The following PTK2 variants were observed in gnomAD, a reference collection of about 807,000 sequenced individuals.
PTK2 encodes the protein protein tyrosine kinase 2.
Under a neutral mutation model 150.1 loss-of-function variants are expected in PTK2, and 45 were observed. The ratio of observed to expected loss-of-function variants is 0.30; its 90% CI spans 0.24 to 0.38. PTK2 has a LOEUF of 0.38. Ranked by LOEUF, PTK2 falls within the 10% of genes least tolerant of loss-of-function variation. The probability of loss-of-function intolerance (pLI) is 1.00; values close to 1 mark genes in which losing one functional copy is unlikely to be tolerated. For synonymous variants in PTK2, 432 were observed against 449.2 expected (o/e 0.96, Z 0.48); for missense variants, 919 against 1,307.3 (o/e 0.70, Z 4.58).
At chr8:140,937,576 A>G (rs1322093658) in intron 1 of PTK2, among the ~76,000 whole-genome samples, 2 of 136,782 alleles carry the variant, frequency 1.5e-5, no homozygotes, top group Non-Finnish European at 3.2e-5. Flanking sequence ...GCCATCTTTA[A>G]GTAAACAATA....
At chr8:140,801,895 G>A (rs1596184276) in intron 11 of PTK2, among the ~76,000 whole-genome samples, 3 of 152,102 alleles carry the variant, frequency 2.0e-5, no homozygotes, top group South Asian at 2.1e-4. Context: ...TAGGTATGCC[G>A]TAGCCATCCT....
chr8:140,999,977 C>A (rs1408316450), intron 1 of PTK2, among the ~76,000 whole-genome samples: 1 of 149,204 alleles, frequency 6.7e-6, no homozygotes, highest in African/African-American at 2.5e-5. Context: ...CAGCTGCAGG[C>A]TAACTATGCA....
intron 4 of PTK2, among the ~76,000 whole-genome samples, chr8:140,869,642 AAAG>A (rs1029702541): frequency 6.6e-6 from 1 of 152,158 alleles, no homozygotes; most frequent in African/African-American, 2.4e-5. Context: ...CTCCGGAAGC[AAAG>A]AATAGAGAAT....
chr8:140,662,326 A>G (rs28420895), intron 31 of PTK2, among the ~76,000 whole-genome samples: 2,919 of 152,152 alleles, frequency 0.019, 98 homozygotes, highest in African/African-American at 0.067. Flanking sequence ...ATTAAAAAAT[A>G]CTGTATACAG....
chr8:140,944,046 TTGC>T (rs2100176796), intron 1 of PTK2, among the ~76,000 whole-genome samples: 2 of 152,218 alleles, frequency 1.3e-5, no homozygotes, highest in African/African-American at 4.8e-5. Flanking sequence ...AACTGCCTAC[TTGC>T]CACCCCAACT....
intron 7 of PTK2, among the ~76,000 whole-genome samples, chr8:140,833,466 A>T (rs1265648590): frequency 6.6e-6 from 1 of 152,252 alleles, no homozygotes; most frequent in Non-Finnish European, 1.5e-5. Context: ...TTTTAGGGAA[A>T]GCCTATTATA....
intron 13 of PTK2, among the ~76,000 whole-genome samples, chr8:140,790,010 T>C (rs373120848): frequency 6.6e-6 from 1 of 152,268 alleles, no homozygotes; most frequent in East Asian, 1.9e-4. Context: ...ATTACCTACA[T>C]ACTTAAAAAA....
intron 5 of PTK2, among the ~76,000 whole-genome samples, chr8:140,851,161 G>C (rs2100129058): frequency 6.6e-6 from 1 of 152,162 alleles, no homozygotes; most frequent in South Asian, 2.1e-4. Context: ...CAGATACTGT[G>C]AAGTATTTTG....
chr8:140,912,698 T>C (rs1437917807), intron 2 of PTK2, among the ~76,000 whole-genome samples: 4 of 152,086 alleles, frequency 2.6e-5, no homozygotes, highest in African/African-American at 7.2e-5. Context: ...CAGTGGCTCA[T>C]GCCTGTAACC....
chr8:140,674,785 G>A (rs2100012603), intron 28 of PTK2, among the ~76,000 whole-genome samples: 1 of 151,552 alleles, frequency 6.6e-6, no homozygotes, highest in African/African-American at 2.4e-5. Context: ...AGTGGCTCAC[G>A]CCTGTAATCC....
At chr8:140,941,346 G>C (rs2100175673) in intron 1 of PTK2, among the ~76,000 whole-genome samples, 1 of 152,174 alleles carries the variant, frequency 6.6e-6, no homozygotes, top group Non-Finnish European at 1.5e-5. Context: ...CACACAAATA[G>C]TTCTCTGCAG....
At chr8:140,759,406 C>G (rs1296242115) in intron 16 of PTK2, among the ~76,000 whole-genome samples, 1 of 151,668 alleles carries the variant, frequency 6.6e-6, no homozygotes, top group Non-Finnish European at 1.5e-5. Flanking sequence ...TGATGGCACA[C>G]ACTTGTAGTC....
chr8:140,751,808 A>T (rs1695025808), intron 17 of PTK2: 3 of 424,418 alleles, frequency 7.1e-6, no homozygotes, highest in African/African-American at 6.1e-5. Context: ...ATTTGTTCTG[A>T]TTTTGTAGCA....
chr8:140,878,558 T>C (rs1430740402), intron 4 of PTK2, among the ~76,000 whole-genome samples: 1 of 151,854 alleles, frequency 6.6e-6, no homozygotes. Flanking sequence ...CATGCCACCG[T>C]ACTGCAGCCT....
chr8:140,936,905 A>C (rs1344760655), intron 1 of PTK2, among the ~76,000 whole-genome samples: 1 of 152,170 alleles, frequency 6.6e-6, no homozygotes, highest in East Asian at 1.9e-4. Flanking sequence ...TTTAGAGAAA[A>C]ATACTGCTTT....
chr8:140,956,427 G>A (rs1405423417), intron 1 of PTK2, among the ~76,000 whole-genome samples: 3 of 152,218 alleles, frequency 2.0e-5, no homozygotes, highest in Non-Finnish European at 4.4e-5. Context: ...GCTGCCAGTC[G>A]TATAAAAGTC....
intron 1 of PTK2, among the ~76,000 whole-genome samples, chr8:140,987,872 G>C (rs778676689): frequency 6.6e-6 from 1 of 151,990 alleles, no homozygotes; most frequent in Non-Finnish European, 1.5e-5. Context: ...ACTAGACCTC[G>C]TCTCTACAAA....
chr8:140,802,857 T>C (rs1007699260), intron 11 of PTK2, among the ~76,000 whole-genome samples: 1 of 152,092 alleles, frequency 6.6e-6, no homozygotes, highest in African/African-American at 2.4e-5. Context: ...GCTACAACCA[T>C]CTTAGGTTTG....
chr8:140,683,373 C>T (rs969559192), intron 27 of PTK2, among the ~76,000 whole-genome samples: 4 of 152,048 alleles, frequency 2.6e-5, no homozygotes, highest in African/African-American at 9.7e-5. Context: ...GCCTATCAAC[C>T]ACCAAAAGCC....
Sources: gnomAD v4.1 joint callset for allele counts (sites outside exome capture counted in the v4.1 genomes callset) on GRCh38, gnomAD v4.1.1 for gene constraint, MANE v1.5 for transcripts, NCBI Gene and HGNC (gene_info 2026-07-23, HGNC 2026-07-21) for gene names.